RANBP17: variants seen among roughly 807,000 people sequenced by gnomAD.
RANBP17 encodes RAN binding protein 17.
RANBP17 carries 158 observed loss-of-function variants against 141.2 expected under a neutral mutation model. The ratio of observed to expected loss-of-function variants is 1.12; its 90% CI spans 0.98 to 1.28. The LOEUF is 1.28. Ranked by LOEUF, RANBP17 falls within the 50% of genes most tolerant of loss-of-function variation. The pLI is 0.00. For missense variants in RANBP17, 1,438 were observed against 1,290.7 expected, an observed-to-expected ratio of 1.11 and a Z score of -1.75; for synonymous variants, 430 against 450.0, an observed-to-expected ratio of 0.96 and a Z score of 0.56.
At position 171,299,544 on chromosome 5, in the gene RANBP17, T is replaced by C. The variant is rs1314665242; in HGVS notation, c.*686T>C. ...CAATTACTGCCTGCAGAGATATTTC[T>C]TCAGGAGGAGTCATGTAGCCCCAGT... On this transcript the variant is annotated 3_prime_UTR_variant, in exon 28 of 28. Transcript: ENST00000523189. 4.3e-6 allele frequency: 1 copy of C among 232,292 alleles called. No homozygotes were observed. Among genetic ancestry groups the C allele is most frequent in the Middle Eastern group, 1.3e-3 (1 of 798 alleles). The allele number at this position is 232,292 out of a possible 1,614,324, so 14.4% of individuals were successfully genotyped here.
intron 14 of RANBP17, among the ~76,000 whole-genome samples, chr5:171,103,160 G>A (rs1035991559): frequency 1.3e-5 from 2 of 152,152 alleles, no homozygotes; most frequent in South Asian, 2.1e-4. Context: ...CTTCCAAGCC[G>A]GCAGGCGGGC....
chr5:171,217,692 A>G (rs1763298651), intron 21 of RANBP17, among the ~76,000 whole-genome samples: 1 of 152,164 alleles, frequency 6.6e-6, no homozygotes, highest in Non-Finnish European at 1.5e-5. Flanking sequence ...TTATTTGTGT[A>G]GAGGTGTTTA....
intron 22 of RANBP17, among the ~76,000 whole-genome samples, chr5:171,235,949 A>G (rs772201293): frequency 6.6e-6 from 1 of 152,208 alleles, no homozygotes; most frequent in Non-Finnish European, 1.5e-5. Context: ...TAGTTATACT[A>G]ATTTTATATT....
At chr5:171,022,545 G>C (rs1780941406) in intron 14 of RANBP17, among the ~76,000 whole-genome samples, 2 of 152,244 alleles carry the variant, frequency 1.3e-5, no homozygotes, top group South Asian at 4.1e-4. Flanking sequence ...ATGGGTCAGA[G>C]TCAAGCCTGA....
chr5:171,266,231 A>G lies in RANBP17; in HGVS notation c.2943+384A>G, dbSNP rs144288275. Among the ~76,000 whole-genome samples the G allele has an allele frequency of 6.0e-3, 913 of 152,208 alleles. 11 individuals carry two copies. The highest frequency in any genetic ancestry group is 0.017 in the African/African-American group (706 of 41,540). Reference sequence around the variant, plus strand: ...TACTCCGGTATATTGGGAAACTACAATTTGCTGGGCTCCTAGTGTATGCCA... The same window carrying G: ...TACTCCGGTATATTGGGAAACTACAGTTTGCTGGGCTCCTAGTGTATGCCA... On this transcript the variant is annotated intron_variant, in intron 25 of 27. Transcript: ENST00000523189.
intron 14 of RANBP17, among the ~76,000 whole-genome samples, chr5:171,060,675 CAT>C (rs1446729143): frequency 6.6e-6 from 1 of 152,008 alleles, no homozygotes. Context: ...ATGCTGGCCT[CAT>C]AAAATGAGTT....
intron 18 of RANBP17, among the ~76,000 whole-genome samples, chr5:171,188,154 G>T (rs1761395106): frequency 6.6e-6 from 1 of 152,178 alleles, no homozygotes; most frequent in Non-Finnish European, 1.5e-5. Context: ...TCTAAGGAAA[G>T]ATTAAAAGAA....
chr5:170,968,842 G>T, intron 14 of RANBP17: 1 of 376,748 alleles, frequency 2.7e-6, no homozygotes. Flanking sequence ...CTTAATGTTA[G>T]GAATACTCAT....
intron 18 of RANBP17, among the ~76,000 whole-genome samples, chr5:171,188,025 C>T (rs1761387526): frequency 6.6e-6 from 1 of 152,152 alleles, no homozygotes; most frequent in Admixed American, 6.5e-5. Context: ...GACTACACCC[C>T]TCTATGTTTC....
chr5:171,023,256 C>T (rs1465278208), intron 14 of RANBP17, among the ~76,000 whole-genome samples: 1 of 152,236 alleles, frequency 6.6e-6, no homozygotes, highest in Non-Finnish European at 1.5e-5. Flanking sequence ...TCTTTATCTA[C>T]TTCCTCAATG....
chr5:171,033,936 G>A (rs1781709995), intron 14 of RANBP17, among the ~76,000 whole-genome samples: 1 of 152,048 alleles, frequency 6.6e-6, no homozygotes, highest in African/African-American at 2.4e-5. Flanking sequence ...GTGAGGCTCT[G>A]TCTCTGCTAA....
chr5:171,233,463 C>T (rs1282064115), intron 22 of RANBP17, among the ~76,000 whole-genome samples: 1 of 146,180 alleles, frequency 6.8e-6, no homozygotes, highest in Non-Finnish European at 1.5e-5. Flanking sequence ...ATACTTATAG[C>T]AGCTTTATTC....
intron 22 of RANBP17, among the ~76,000 whole-genome samples, chr5:171,237,096 G>A (rs556304148): frequency 6.9e-4 from 105 of 152,138 alleles, no homozygotes; most frequent in Non-Finnish European, 1.3e-3. Context: ...CCTGAGAGTC[G>A]GTCGCAGATG....
At chr5:171,062,997 G>A (rs1472866543) in intron 14 of RANBP17, among the ~76,000 whole-genome samples, 64 of 152,088 alleles carry the variant, frequency 4.2e-4, no homozygotes, top group African/African-American at 1.5e-3. Context: ...TCGAGCCTTG[G>A]CTTTCAGCTC....
intron 23 of RANBP17, 149 bp downstream of exon 23, chr5:171,241,291 A>G: frequency 1.7e-6 from 1 of 581,086 alleles, no homozygotes; most frequent in East Asian, 2.9e-5. Context: ...CAGAATTTGG[A>G]AAACTATAGT....
rs151260407 is a variant in RANBP17, at chr5:171,214,210, T to C, written c.2339+472T>C. Among the ~76,000 whole-genome samples, 33 of 152,328 alleles carry C rather than the reference T, an allele frequency of 2.2e-4. 2 individuals are homozygous for C. In the East Asian group the frequency reaches 6.2e-3, roughly 28 times the overall value. On this transcript the variant is annotated intron_variant, in intron 21 of 27. Coordinates refer to ENST00000523189, the MANE Select transcript of RANBP17 (RefSeq NM_022897.5). The stretch of plus-strand genomic sequence containing the variant: ...CTCTGGGAATTATTCCTGCTTTCAC[T>C]TCTAAGCTATACTTCTTCCTTTATG...
chr5:171,243,928 A>G (rs549967578), intron 24 of RANBP17, among the ~76,000 whole-genome samples: 105 of 151,928 alleles, frequency 6.9e-4, no homozygotes, highest in Non-Finnish European at 1.3e-3. Flanking sequence ...ACAAAAAAAA[A>G]TTAGCCAGGC....
chr5:171,246,624 A>T (rs117897647), intron 24 of RANBP17, among the ~76,000 whole-genome samples: 1 of 152,342 alleles, frequency 6.6e-6, no homozygotes, highest in South Asian at 2.1e-4. Flanking sequence ...ATCTTACATC[A>T]TAGTAATACT....
intron 14 of RANBP17, among the ~76,000 whole-genome samples, chr5:171,028,308 G>T (rs1015650250): frequency 2.0e-5 from 3 of 151,888 alleles, no homozygotes; most frequent in East Asian, 1.9e-4. Context: ...GAGATGAAAC[G>T]CATTTTTAGG....
Sources: allele counts gnomAD v4.1 joint callset (sites outside exome capture counted in the v4.1 genomes callset), GRCh38; gene constraint gnomAD v4.1.1; transcripts MANE v1.5; gene names NCBI Gene and HGNC (gene_info 2026-07-23, HGNC 2026-07-21).